LINGO2: variants seen among roughly 807,000 people sequenced by gnomAD.
The protein encoded by LINGO2 is leucine rich repeat and Ig domain containing 2.
A neutral mutation model predicts 30.6 loss-of-function variants in LINGO2; 14 were observed. That is an observed-to-expected ratio of 0.46 (90% confidence interval 0.30 to 0.72). The LOEUF (loss-of-function observed/expected upper bound fraction) is 0.72, where lower values mean the gene tolerates loss of function less well. LINGO2 is among the 30% of genes least tolerant of loss of function. The pLI, the probability that LINGO2 is intolerant of heterozygous loss-of-function variation, is 0.07. For missense variants in LINGO2, 729 were observed against 751.7 expected (o/e 0.97, Z 0.35); for synonymous variants, 317 against 288.5 (o/e 1.10, Z -1.00).
rs545670905 is a variant in LINGO2, at chr9:28,052,890, G to T, written c.-86-40485C>A. On this transcript the variant is annotated intron_variant, in intron 4 of 5. Coordinates refer to ENST00000379992, the Ensembl canonical transcript of LINGO2. ...TTGGACTTGCAATATCTAGATAATTGCTACTGTACTCCACATCTATGTGTA... is the reference window on the plus strand; with the variant it reads ...TTGGACTTGCAATATCTAGATAATTTCTACTGTACTCCACATCTATGTGTA... 1.2e-4 allele frequency among the ~76,000 whole-genome samples: 18 copies of T among 152,160 alleles called. No individual in the cohort carries two copies. In the South Asian group the frequency reaches 3.5e-3, roughly 30 times the overall value.
At chr9:28,249,014 A>G (rs1432498462) in intron 4 of LINGO2, among the ~76,000 whole-genome samples, 1 of 152,154 alleles carries the variant, frequency 6.6e-6, no homozygotes, top group Non-Finnish European at 1.5e-5. Context: ...GCTCTCATGT[A>G]GAACAACACT....
At chr9:28,568,520 A>T (rs1031009031) in intron 1 of LINGO2, among the ~76,000 whole-genome samples, 1 of 152,188 alleles carries the variant, frequency 6.6e-6, no homozygotes, top group East Asian at 1.9e-4. Context: ...GTTTCAACCC[A>T]AAGGGAACTT....
At chr9:28,987,071 G>GT in the LINGO2 span, among the ~76,000 whole-genome samples, 7 of 118,758 alleles carry the variant, frequency 5.9e-5, no homozygotes, top group African/African-American at 2.1e-4. Flanking sequence ...AGTTCTAACA[G>GT]GTTTTTTTTT....
the LINGO2 span, among the ~76,000 whole-genome samples, chr9:29,133,537 G>A: frequency 3.3e-5 from 5 of 152,086 alleles, no homozygotes; most frequent in Non-Finnish European, 7.4e-5. Flanking sequence ...TGTCACACAG[G>A]AACTTGGTAT....
chr9:28,499,034 T>C (rs1819780064), intron 1 of LINGO2, among the ~76,000 whole-genome samples: 1 of 152,188 alleles, frequency 6.6e-6, no homozygotes. Context: ...ATATTCATAA[T>C]ATCTGCAGGT....
At chr9:28,707,766 G>T in the LINGO2 span, among the ~76,000 whole-genome samples, 1 of 152,158 alleles carries the variant, frequency 6.6e-6, no homozygotes, top group Non-Finnish European at 1.5e-5. Flanking sequence ...TGTCGGGGTG[G>T]TGAAGGGTGG....
chr9:28,757,901 G>T, the LINGO2 span, among the ~76,000 whole-genome samples: 2 of 151,992 alleles, frequency 1.3e-5, no homozygotes, highest in Non-Finnish European at 2.9e-5. Flanking sequence ...ATGGCATCTA[G>T]TGTACTTTTT....
At chr9:28,737,286 G>A in the LINGO2 span, among the ~76,000 whole-genome samples, 1 of 152,174 alleles carries the variant, frequency 6.6e-6, no homozygotes, top group Non-Finnish European at 1.5e-5. Context: ...TGATACTAAA[G>A]CCACAATGAA....
intron 1 of LINGO2, among the ~76,000 whole-genome samples, chr9:28,541,637 A>G (rs930069775): frequency 1.6e-4 from 24 of 152,170 alleles, no homozygotes; most frequent in Non-Finnish European, 1.5e-4. Context: ...GAGTTGGTGA[A>G]GAAATAAAAA....
intron 4 of LINGO2, among the ~76,000 whole-genome samples, chr9:28,166,903 C>T (rs1309992881): frequency 6.6e-6 from 1 of 152,144 alleles, no homozygotes; most frequent in African/African-American, 2.4e-5. Flanking sequence ...TAAAGTATGA[C>T]TCTTCTGGGG....
At chr9:28,956,940 C>G in the LINGO2 span, among the ~76,000 whole-genome samples, 6 of 151,532 alleles carry the variant, frequency 4.0e-5, no homozygotes, top group South Asian at 2.1e-4. Context: ...GATAACATTA[C>G]CCTGGGAAAC....
At chr9:28,125,269 T>C (rs58001099) in intron 4 of LINGO2, among the ~76,000 whole-genome samples, 37 of 152,330 alleles carry the variant, frequency 2.4e-4, no homozygotes, top group African/African-American at 8.7e-4. Flanking sequence ...AACAATCCAT[T>C]GGCTTAAAGA....
exon 6 of LINGO2, chr9:27,948,825 GAGAC>G: frequency 6.3e-7 from 1 of 1,580,224 alleles, no homozygotes. Context: ...CATTGACAAA[GAGAC>G]AGTAATGTGA....
rs1250621805 is a variant in LINGO2 at position 28,130,192 on chromosome 9, T to C, written c.-86-117787A>G. Among the ~76,000 whole-genome samples, 1 of 152,240 alleles carries C rather than the reference T, an allele frequency of 6.6e-6. No homozygotes were observed. Among genetic ancestry groups the C allele is most frequent in the Non-Finnish European group, 1.5e-5 (1 of 68,044 alleles). ...TCATTTTAACCACTGGTTTGAACTC[T>C]AGACCCTCTAAAATAGACCTTAACA... On this transcript the variant is annotated intron_variant, in intron 4 of 5. Coordinates refer to ENST00000379992, the Ensembl canonical transcript of LINGO2. The surrounding 1 kb of genome is among the most constrained non-coding windows in gnomAD (Gnocchi z 5.2).
the LINGO2 span, among the ~76,000 whole-genome samples, chr9:28,973,726 T>C: frequency 2.6e-5 from 4 of 152,200 alleles, no homozygotes; most frequent in African/African-American, 9.7e-5. Context: ...AACAGACTAA[T>C]ACAAGGTCAT....
At chr9:28,101,726 G>A (rs1475736672) in intron 4 of LINGO2, among the ~76,000 whole-genome samples, 1 of 152,136 alleles carries the variant, frequency 6.6e-6, no homozygotes, top group African/African-American at 2.4e-5. Flanking sequence ...ACTACTGTAT[G>A]GGCTAAATCT....
chr9:28,720,276 T>C, the LINGO2 span, among the ~76,000 whole-genome samples: 1 of 152,228 alleles, frequency 6.6e-6, no homozygotes, highest in African/African-American at 2.4e-5. Flanking sequence ...CAAAAATGTC[T>C]AATGTTCTGG....
the LINGO2 span, among the ~76,000 whole-genome samples, chr9:28,901,369 T>G: frequency 5.3e-5 from 8 of 152,056 alleles, no homozygotes; most frequent in Non-Finnish European, 1.0e-4. Flanking sequence ...CAAAACATAT[T>G]AAAGTATAAA....
At chr9:29,182,406 G>A in the LINGO2 span, among the ~76,000 whole-genome samples, 1 of 152,080 alleles carries the variant, frequency 6.6e-6, no homozygotes, top group African/African-American at 2.4e-5. Flanking sequence ...ATAAACATAA[G>A]CCTAGAACAA....
Sources: allele counts gnomAD v4.1 joint callset (sites outside exome capture counted in the v4.1 genomes callset), GRCh38; gene constraint gnomAD v4.1.1; non-coding constraint Gnocchi (gnomAD v3.1); transcripts MANE v1.5; gene names NCBI Gene and HGNC (gene_info 2026-07-23, HGNC 2026-07-21).